The following LARP7 variants were observed in gnomAD, a reference collection of about 807,000 sequenced individuals.
LARP7 encodes the protein la-related protein 7.
A neutral mutation model predicts 69.3 loss-of-function variants in LARP7; 52 were observed. The ratio of observed to expected loss-of-function variants is 0.75; its 90% CI spans 0.60 to 0.95. LARP7 has a LOEUF of 0.95. LARP7 is among the 40% of genes least tolerant of loss of function. LARP7 has a pLI of 0.00. For missense variants in LARP7, 733 were observed against 673.0 expected (o/e 1.09, Z -0.99); for synonymous variants, 254 against 215.9 (o/e 1.18, Z -1.55).
chr4:112,646,517 GATT>G (rs1473509208), intron 3 of LARP7, 66 bp downstream of exon 3: 32 of 1,260,140 alleles, frequency 2.5e-5, no homozygotes, highest in Non-Finnish European at 3.1e-5. Flanking sequence ...TTAACGTAAT[GATT>G]ATTATATGAT....
rs1193010379 is a variant in LARP7 at position 112,646,878 on chromosome 4, T to G, written c.475T>G (p.Tyr159Asp). ...TGTTGTTTATATAAGTATACCACAT[T>G]ATAAGTCTACTGGAGATCCAAAGGG... is the stretch of plus-strand genomic sequence containing the variant. Reference protein sequence around the residue: ...GNVVYISIPHYKSTGDPKGFA... With the variant: ...GNVVYISIPHDKSTGDPKGFA... The change falls in exon 5 of 13, where the codon TAT becomes GAT. Residue 159 changes from tyrosine (Y) to aspartate (D), a missense_variant. Transcript: ENST00000344442. 6.2e-7 allele frequency: 1 copy of G among 1,608,854 alleles called. No individual in the cohort carries two copies. Among genetic ancestry groups the G allele is most frequent in the Non-Finnish European group, 8.5e-7 (1 of 1,178,722 alleles).
intron 2 of LARP7, 74 bp downstream of exon 2, chr4:112,644,945 C>CTTTTTTT (rs58234206): frequency 0.01 from 1,717 of 168,026 alleles, 21 homozygotes; most frequent in Admixed American, 0.013. Flanking sequence ...ATAATATATT[C>CTTTTTTT]TTTTTTTTTT....
chr4:112,647,486 G>C lies in LARP7; in HGVS notation c.934G>C (p.Val312Leu), dbSNP rs751017218. 3.7e-6 allele frequency: 6 copies of C among 1,613,354 alleles called. No homozygotes were observed. Among genetic ancestry groups the C allele is most frequent in the Middle Eastern group, 1.6e-4 (1 of 6,082 alleles). Residue 312 changes from valine (V) to leucine (L), a missense_variant, in exon 7 of 13, where the codon GTA becomes CTA. Transcript: ENST00000344442. ...DAESLAPRSK[V>L]KKIIQKDIIK... is the part of the protein sequence containing the mutation. ...AGAATCCCTAGCTCCCCGATCAAAA[G>C]TAAAGAAAATTATTCAGAAAGACAT...
At chr4:112,640,518 A>G (rs1040327326) in intron 1 of LARP7, among the ~76,000 whole-genome samples, 2 of 152,018 alleles carry the variant, frequency 1.3e-5, no homozygotes, top group Non-Finnish European at 2.9e-5. Context: ...CCTGGCCAAA[A>G]TGATGAAACC....
chr4:112,645,502 T>C (rs1284731756), intron 2 of LARP7: 2 of 456,086 alleles, frequency 4.4e-6, no homozygotes, highest in Non-Finnish European at 8.8e-6. Flanking sequence ...TAGCTCAATG[T>C]TATTTTTTGT....
intron 5 of LARP7, 36 bp from the exon 6 acceptor site, chr4:112,646,994 AAAAC>A: frequency 6.3e-7 from 1 of 1,580,886 alleles, no homozygotes; most frequent in Non-Finnish European, 8.5e-7. Context: ...GAAAGAAAAG[AAAAC>A]AAGTATTAAA....
chr4:112,654,246 G>A (rs570486356), intron 12 of LARP7, 87 bp downstream of exon 12: 9 of 941,000 alleles, frequency 9.6e-6, no homozygotes, highest in African/African-American at 8.2e-5. Flanking sequence ...TAAAATGATC[G>A]TAGTTTTGCT....
At chr4:112,650,653 G>T in intron 10 of LARP7, 71 bp downstream of exon 10, 1 of 1,439,994 alleles carries the variant, frequency 6.9e-7, no homozygotes, top group South Asian at 1.3e-5. Context: ...AAAATGTTTT[G>T]AATATGGAAG....
intron 1 of LARP7, among the ~76,000 whole-genome samples, chr4:112,643,187 TG>T (rs2048028124): frequency 6.6e-6 from 1 of 152,160 alleles, no homozygotes; most frequent in Non-Finnish European, 1.5e-5. Flanking sequence ...AATTGCATAG[TG>T]GTGATAGTAA....
At chr4:112,653,007 T>A in intron 10 of LARP7, 70 bp from the exon 11 acceptor site, 1 of 1,218,162 alleles carries the variant, frequency 8.2e-7, no homozygotes. Flanking sequence ...GGCATAACCA[T>A]TGGAATAGTT....
chr4:112,645,790 A>T, intron 2 of LARP7: 1 of 348,642 alleles, frequency 2.9e-6, no homozygotes, highest in South Asian at 2.2e-5. Context: ...TTGCTGAGAT[A>T]AGAAGCATTG....
At chr4:112,650,866 T>G (rs1324567904) in intron 10 of LARP7, among the ~76,000 whole-genome samples, 1 of 152,208 alleles carries the variant, frequency 6.6e-6, no homozygotes, top group Non-Finnish European at 1.5e-5. Flanking sequence ...TGATTTTTTT[T>G]GTATTACCTA....
chr4:112,657,474 T>A lies in LARP7; in HGVS notation c.*147T>A. 1 of 403,930 alleles carries A rather than the reference T, an allele frequency of 2.5e-6. No individual in the cohort carries two copies. Among genetic ancestry groups the A allele is most frequent in the Non-Finnish European group, 4.5e-6 (1 of 223,900 alleles). 25.0% of individuals were successfully genotyped at this position (403,930 alleles called of 1,614,324 possible). On this transcript the variant is annotated 3_prime_UTR_variant, in exon 13 of 13. Transcript: ENST00000344442. ...TCCTCAACTTGTAAATAAGACTTTT[T>A]TCTAGAGACAAATATGATGTATACC...
chr4:112,652,881 A>G (rs1447576627), intron 10 of LARP7, among the ~76,000 whole-genome samples, 196 bp from the exon 11 acceptor site: 2 of 152,148 alleles, frequency 1.3e-5, no homozygotes, highest in African/African-American at 2.4e-5. Flanking sequence ...AAAATAAATT[A>G]CTAGAGTTGA....
intron 10 of LARP7, 64 bp from the exon 11 acceptor site, chr4:112,653,013 T>G (rs1401849449): frequency 7.8e-7 from 1 of 1,278,010 alleles, no homozygotes. Flanking sequence ...ACCATTGGAA[T>G]AGTTTTAGAA....
chr4:112,646,635 A>C lies in LARP7; in HGVS notation c.351A>C (p.Glu117Asp). The change falls in exon 4 of 13, where the codon GAA becomes GAC. Residue 117 changes from glutamate to aspartate, a missense_variant. By Grantham distance (45) the Glu-to-Asp change is conservative. Coordinates refer to ENST00000344442, the MANE Select transcript of LARP7 (RefSeq NM_016648.4). Reference protein sequence around the residue: ...TRIRRKKPLGERPKDEDERTV... With the variant: ...TRIRRKKPLGDRPKDEDERTV... Reference sequence around the variant, plus strand: ...TCCGGAGGAAAAAACCTCTGGGGGAAAGACCAAAGGATGAGGATGAACGCA... The same window carrying C: ...TCCGGAGGAAAAAACCTCTGGGGGACAGACCAAAGGATGAGGATGAACGCA... 1 of 1,605,350 alleles carries C rather than the reference A, an allele frequency of 6.2e-7. No individual in the cohort carries two copies. The highest frequency in any genetic ancestry group is 2.2e-5 in the East Asian group (1 of 44,632).
Position 112,649,553 on chromosome 4 carries a change from G to A in LARP7, c.1161G>A (p.Leu387=). 6.3e-7 allele frequency: 1 copy of A among 1,599,912 alleles called. No individual in the cohort carries two copies. The highest frequency in any genetic ancestry group is 8.5e-7 in the Non-Finnish European group (1 of 1,174,152). ...CTTGTAGGAGCGAATGGATGGATTT[G>A]AAAAAAGAGTATTTAGCGCTACAAA... ...RVLSKSEWMD[L]KKEYLALQKA... The change falls in exon 9 of 13, where the codon TTG becomes TTA. Residue 387 remains leucine (L), a synonymous_variant. Coordinates refer to ENST00000344442, the MANE Select transcript of LARP7 (RefSeq NM_016648.4).
At chr4:112,649,434 TGGA>T (rs1177416039) in intron 8 of LARP7, 98 bp from the exon 9 acceptor site, 5 of 923,574 alleles carry the variant, frequency 5.4e-6, no homozygotes, top group Non-Finnish European at 7.9e-6. Flanking sequence ...GGAAAGTTGG[TGGA>T]GGAGTTGCTC....
intron 1 of LARP7, among the ~76,000 whole-genome samples, chr4:112,639,286 T>C (rs959532677): frequency 2.0e-4 from 30 of 151,468 alleles, no homozygotes; most frequent in African/African-American, 5.8e-4. Flanking sequence ...CTCGGCTCGC[T>C]GCAAGCTCCG....
Sources: gnomAD v4.1 joint callset for allele counts (sites outside exome capture counted in the v4.1 genomes callset) on GRCh38, gnomAD v4.1.1 for gene constraint, MANE v1.5 for transcripts, NCBI Gene and HGNC (gene_info 2026-07-23, HGNC 2026-07-21) for gene names.